Variants in TNIK observed in about 807,000 individuals in gnomAD.
The protein encoded by TNIK is TRAF2 and NCK interacting kinase, also known as TRAF2 and NCK-interacting protein kinase.
Under a neutral mutation model 191.3 loss-of-function variants are expected in TNIK, and 49 were observed. That is an observed-to-expected ratio of 0.26 (90% confidence interval 0.20 to 0.32). The LOEUF is 0.32. Ranked by LOEUF, TNIK falls within the 10% of genes least tolerant of loss-of-function variation. TNIK has a pLI of 1.00. For synonymous variants in TNIK, 594 were observed against 600.9 expected (o/e 0.99, Z 0.17); for missense variants, 1,155 against 1,702.3 (o/e 0.68, Z 5.66).
chr3:171,323,840 T>C (rs2108342636), intron 2 of TNIK, among the ~76,000 whole-genome samples: 1 of 152,296 alleles, frequency 6.6e-6, no homozygotes, highest in East Asian at 1.9e-4. Flanking sequence ...GGGAGCATTT[T>C]AGCCTCTGAT....
At chr3:171,194,025 G>T (rs1738361738) in intron 5 of TNIK, among the ~76,000 whole-genome samples, 1 of 152,172 alleles carries the variant, frequency 6.6e-6, no homozygotes, top group South Asian at 2.1e-4. Context: ...GGTAAAATCG[G>T]TTAAACTAGG....
intron 4 of TNIK, among the ~76,000 whole-genome samples, chr3:171,206,546 T>C (rs948836346): frequency 2.0e-5 from 3 of 152,026 alleles, no homozygotes; most frequent in Non-Finnish European, 2.9e-5. Flanking sequence ...TGCTGCTTTC[T>C]CCAAGTACCT....
intron 1 of TNIK, among the ~76,000 whole-genome samples, chr3:171,397,911 T>C (rs1016948698): frequency 6.6e-6 from 1 of 152,214 alleles, no homozygotes; most frequent in Non-Finnish European, 1.5e-5. Context: ...AACCAAATAA[T>C]AAAAGAAACT....
chr3:171,229,238 C>T (rs1051893158), intron 2 of TNIK, among the ~76,000 whole-genome samples: 7 of 152,138 alleles, frequency 4.6e-5, no homozygotes, highest in Admixed American at 3.3e-4. Context: ...AGATGCTGGC[C>T]GTAATTATGT....
chr3:171,252,081 C>CGTGT (rs1056985992), intron 2 of TNIK, among the ~76,000 whole-genome samples: 3 of 150,348 alleles, frequency 2.0e-5, no homozygotes, highest in African/African-American at 4.9e-5. Flanking sequence ...TGTGTGTGTG[C>CGTGT]GTGTGTGTGT....
intron 27 of TNIK, 112 bp downstream of exon 27, chr3:171,082,139 T>G: frequency 7.1e-6 from 10 of 1,402,680 alleles, no homozygotes; most frequent in Non-Finnish European, 9.6e-6. Flanking sequence ...CTGCTATACT[T>G]TATTGTGTTG....
intron 7 of TNIK, among the ~76,000 whole-genome samples, chr3:171,185,991 C>T (rs1403936362): frequency 6.6e-6 from 1 of 152,182 alleles, no homozygotes; most frequent in Non-Finnish European, 1.5e-5. Flanking sequence ...GGCTGGGATA[C>T]ACCACTGGGC....
intron 28 of TNIK, among the ~76,000 whole-genome samples, chr3:171,079,187 T>C (rs897007767): frequency 6.6e-6 from 1 of 152,182 alleles, no homozygotes; most frequent in Admixed American, 6.5e-5. Context: ...AGCTACTCTT[T>C]CGATTTTACC....
chr3:171,399,687 A>G (rs1253550349), intron 1 of TNIK, among the ~76,000 whole-genome samples: 1 of 152,210 alleles, frequency 6.6e-6, no homozygotes, highest in Non-Finnish European at 1.5e-5. Context: ...ACAACACTAT[A>G]TACAGTTTGA....
chr3:171,313,019 G>T (rs1245861089), intron 2 of TNIK, among the ~76,000 whole-genome samples: 2 of 151,852 alleles, frequency 1.3e-5, no homozygotes, highest in African/African-American at 4.8e-5. Context: ...GTGCTACGCC[G>T]AATAAGAGAT....
chr3:171,066,209 A>G lies in TNIK; in HGVS notation c.3977T>C (p.Phe1326Ser). 6.2e-7 allele frequency: 1 copy of G among 1,613,780 alleles called. No individual in the cohort carries two copies. The highest frequency in any genetic ancestry group is 8.5e-7 in the Non-Finnish European group (1 of 1,179,862). ...TACCTTATCATTTCTTTCACATAGAAACTTTAACCTTTGAGCTCGCTTATG... is the reference window on the plus strand; with the variant it reads ...TACCTTATCATTTCTTTCACATAGAGACTTTAACCTTTGAGCTCGCTTATG... ...FMHKRAQRLK[F>S]LCERNDKVFF... is the part of the protein sequence containing the mutation. The change falls in exon 32 of 33, where the codon TTT (phenylalanine) becomes TCT (serine). Residue 1326 changes from phenylalanine (F) to serine (S), a missense_variant. This residue lies in a region of TNIK where 195 missense variants were observed against 415.4 expected (regional missense o/e 0.47). Coordinates refer to ENST00000436636, the MANE Select transcript of TNIK (RefSeq NM_015028.4).
intron 2 of TNIK, among the ~76,000 whole-genome samples, chr3:171,304,482 C>A (rs888342526): frequency 9.2e-5 from 14 of 152,112 alleles, no homozygotes; most frequent in African/African-American, 3.4e-4. Flanking sequence ...ACTAGAAATA[C>A]CATTTGACCC....
chr3:171,445,172 G>A (rs1727331949), intron 1 of TNIK, among the ~76,000 whole-genome samples: 1 of 152,078 alleles, frequency 6.6e-6, no homozygotes. Context: ...GCTCACGCCT[G>A]TAATCCTAGC....
intron 2 of TNIK, among the ~76,000 whole-genome samples, chr3:171,324,934 T>TA (rs113343899): frequency 0.029 from 4,348 of 151,416 alleles, 203 homozygotes; most frequent in African/African-American, 0.098. Flanking sequence ...CCGTCTCTAC[T>TA]AAAAAAAATA....
intron 1 of TNIK, among the ~76,000 whole-genome samples, chr3:171,432,947 AT>A (rs1725553167): frequency 6.6e-6 from 1 of 152,208 alleles, no homozygotes; most frequent in Admixed American, 6.5e-5. Context: ...AAAACAAAAA[AT>A]AAGAAGCATA....
At chr3:171,311,968 A>G (rs984812494) in intron 2 of TNIK, among the ~76,000 whole-genome samples, 1 of 151,906 alleles carries the variant, frequency 6.6e-6, no homozygotes, top group African/African-American at 2.4e-5. Context: ...CCAAGAGTAC[A>G]TGTGACTTCG....
intron 2 of TNIK, among the ~76,000 whole-genome samples, chr3:171,280,929 C>T (rs1211439818): frequency 6.6e-6 from 1 of 152,110 alleles, no homozygotes; most frequent in Non-Finnish European, 1.5e-5. Context: ...ACAGGAATAA[C>T]CTAGACAAAA....
chr3:171,346,934 T>C (rs1712298543), intron 2 of TNIK: 3 of 492,398 alleles, frequency 6.1e-6, no homozygotes, highest in Non-Finnish European at 1.1e-5. Context: ...GAGAGAGACA[T>C]GATCAAATAA....
At chr3:171,109,198 G>C (rs1725460057) in intron 19 of TNIK, among the ~76,000 whole-genome samples, 1 of 152,224 alleles carries the variant, frequency 6.6e-6, no homozygotes, top group South Asian at 2.1e-4. Context: ...ATGGGGCTCT[G>C]TCACCTAGGC....
Sources: allele counts gnomAD v4.1 joint callset (sites outside exome capture counted in the v4.1 genomes callset), GRCh38; gene constraint gnomAD v4.1.1; regional missense constraint gnomAD v4.1.1; transcripts MANE v1.5; gene names NCBI Gene and HGNC (gene_info 2026-07-23, HGNC 2026-07-21).